Variants in HLA-DRB1 observed in about 807,000 individuals in gnomAD.
HLA-DRB1 encodes major histocompatibility complex, class II, DR beta 1, also known as major histocompatibility complex, class II, DR beta 1 precursor.
A neutral mutation model predicts 27.9 loss-of-function variants in HLA-DRB1; 10 were observed. The observed-to-expected ratio is 0.36, with a 90% CI of 0.22 to 0.61. The LOEUF is 0.61. HLA-DRB1 is among the 20% of genes least tolerant of loss of function. The pLI is 0.73. For missense variants in HLA-DRB1, 118 were observed against 306.3 expected (o/e 0.39, Z 4.59); for synonymous variants, 57 against 126.7 (o/e 0.45, Z 3.69).
chr6:32,587,000 A>G (rs1250262834), intron 1 of HLA-DRB1, among the ~76,000 whole-genome samples: 609 of 70,246 alleles, frequency 8.7e-3, no homozygotes, highest in East Asian at 0.013. Context: ...TTCCCTGAAG[A>G]ATTCCCTGCT....
At chr6:32,584,314 G>C (rs1059572) in exon 2 of HLA-DRB1, 134,304 of 1,301,238 alleles carry the variant, frequency 0.1, 17,297 homozygotes, top group Non-Finnish European at 0.11. Flanking sequence ...ATCTGTCCAG[G>C]AACCGCACCC....
intron 1 of HLA-DRB1, among the ~76,000 whole-genome samples, chr6:32,584,726 T>TTCC (rs1561820616): frequency 1.7e-5 from 1 of 57,428 alleles, no homozygotes; most frequent in Non-Finnish European, 3.7e-5. Flanking sequence ...TCTCTGCTCC[T>TTCC]CTCATCCCAC....
rs17878671 is a variant in HLA-DRB1 at position 32,584,312 on chromosome 6, A to G, written c.167T>C (p.Leu56Pro). Reference sequence around the variant, plus strand: ...CTCCTGGTTATAGAAGTATCTGTCCAGGAACCGCACCCGCTCCGTCCCATT... The same window carrying G: ...CTCCTGGTTATAGAAGTATCTGTCCGGGAACCGCACCCGCTCCGTCCCATT... Residue 56 changes from leucine (L) to proline (P), a missense_variant, in exon 2 of 6, where the codon CTG (leucine) becomes CCG (proline). By Grantham distance (98) the Leu-to-Pro change is moderately conservative. Around this residue, in one of 5 missense-constraint regions of HLA-DRB1, gnomAD observed 42 missense variants for 104.2 expected, o/e 0.40. Transcript: ENST00000360004. 1.4e-5 allele frequency: 19 copies of G among 1,363,276 alleles called. 1 individual carries two copies. Among genetic ancestry groups the G allele is most frequent in the Admixed American group, 3.5e-5 (2 of 57,496 alleles). 84.4% of individuals were successfully genotyped at this position (1,363,276 alleles called of 1,614,324 possible).
chr6:32,579,276 A>G (rs9269701), intron 5 of HLA-DRB1, among the ~76,000 whole-genome samples, 172 bp from the exon 6 acceptor site: 8,344 of 44,678 alleles, frequency 0.19, 1,734 homozygotes, highest in Middle Eastern at 0.31. Context: ...GAGAGGAGGA[A>G]TTTTGGTGTA....
At chr6:32,587,509 T>C (rs35730042) in intron 1 of HLA-DRB1, among the ~76,000 whole-genome samples, 195 of 70,388 alleles carry the variant, frequency 2.8e-3, no homozygotes, top group Admixed American at 3.8e-3. Context: ...ATCTTCTGCC[T>C]CTCCATTTCC....
chr6:32,581,227 A>G (rs41288057), intron 3 of HLA-DRB1, among the ~76,000 whole-genome samples: 11,072 of 70,680 alleles, frequency 0.16, 2,399 homozygotes, highest in Middle Eastern at 0.27. Context: ...ATCACAAAAA[A>G]TAACTCAGAG....
intron 2 of HLA-DRB1, among the ~76,000 whole-genome samples, chr6:32,583,244 T>TC (rs9281870): frequency 2.6e-5 from 1 of 38,880 alleles, no homozygotes; most frequent in Non-Finnish European, 5.2e-5. Context: ...GAATTACAAA[T>TC]AAAAAATATA....
intron 2 of HLA-DRB1, among the ~76,000 whole-genome samples, chr6:32,583,116 A>G (rs1422953631): frequency 2.4e-4 from 19 of 79,800 alleles, no homozygotes; most frequent in East Asian, 8.4e-4. Flanking sequence ...ACTGAGAAAA[A>G]TACTAAGCCC....
exon 2 of HLA-DRB1, chr6:32,584,172 C>T (rs16822805): frequency 0.028 from 32,275 of 1,163,552 alleles, 2,987 homozygotes; most frequent in East Asian, 0.077. Context: ...GTGTCCACCG[C>T]GGCCCGCGCC....
intron 1 of HLA-DRB1, among the ~76,000 whole-genome samples, chr6:32,589,436 G>GTA (rs1777031764): frequency 4.7e-5 from 3 of 64,334 alleles, no homozygotes; most frequent in Non-Finnish European, 6.2e-5. Flanking sequence ...AATGATTTGT[G>GTA]CAAAGGCCCC....
intron 1 of HLA-DRB1, among the ~76,000 whole-genome samples, chr6:32,589,109 C>A (rs1275666083): frequency 1.6e-5 from 2 of 125,660 alleles, no homozygotes; most frequent in African/African-American, 6.0e-5. Flanking sequence ...GGGATACAGG[C>A]CTTATAAACA....
chr6:32,579,233 C>T, intron 5 of HLA-DRB1, 129 bp from the exon 6 acceptor site: 1 of 225,562 alleles, frequency 4.4e-6, no homozygotes, highest in Non-Finnish European at 7.2e-6. Context: ...TCCCCTGAGC[C>T]AATAGTCCCG....
At chr6:32,589,472 A>G (rs1777041161) in intron 1 of HLA-DRB1, among the ~76,000 whole-genome samples, 171 bp downstream of exon 1, 1 of 93,600 alleles carries the variant, frequency 1.1e-5, no homozygotes, top group East Asian at 3.6e-4. Flanking sequence ...GAAGAGGGCA[A>G]GTACCCAAGC....
intron 1 of HLA-DRB1, 63 bp downstream of exon 1, chr6:32,589,580 T>C (rs879037947): frequency 1.7e-6 from 1 of 596,032 alleles, no homozygotes; most frequent in East Asian, 4.6e-5. Context: ...CTGGGCACAA[T>C]GTTAACAAAA....
At position 32,588,844 on chromosome 6, in the gene HLA-DRB1, A is replaced by G. The variant is rs188759419; in HGVS notation, c.100+799T>C. On this transcript the variant is annotated intron_variant, in intron 1 of 5. Coordinates refer to ENST00000360004, the Ensembl canonical transcript of HLA-DRB1. ...TAGTTAAATCTCTTCTGTCATGTCT[A>G]GTTAGAGCACATAGGAGATGCAAGA... Among the ~76,000 whole-genome samples the G allele has an allele frequency of 5.6e-5, 7 of 124,384 alleles. No homozygotes were observed. The East Asian group carries it at 7.6e-4, about 13-fold the overall frequency. 81.6% of individuals were successfully genotyped at this position (124,384 alleles called of 152,430 possible).
intron 1 of HLA-DRB1, among the ~76,000 whole-genome samples, chr6:32,589,290 C>G (rs28366204): frequency 8.2e-3 from 1,004 of 122,026 alleles, no homozygotes; most frequent in East Asian, 0.027. Flanking sequence ...TAAGAACCTC[C>G]TTTTGTCTGA....
chr6:32,584,450 G>A (rs1776083914), intron 1 of HLA-DRB1, 72 bp from the exon 2 acceptor site: 4 of 671,568 alleles, frequency 6.0e-6, no homozygotes, highest in Non-Finnish European at 8.8e-6. Flanking sequence ...CCACCATCCG[G>A]GGCTCCCTGA....
At position 32,581,805 on chromosome 6, in the gene HLA-DRB1, G is replaced by A. The variant is rs200516145; in HGVS notation, c.404C>T (p.Thr135Ile). 9.8e-6 allele frequency: 14 copies of A among 1,424,150 alleles called. 1 individual carries two copies. The highest frequency in any genetic ancestry group is 1.3e-5 in the Non-Finnish European group (14 of 1,052,728). The allele number at this position is 1,424,150 out of a possible 1,614,324, so 88.2% of individuals were successfully genotyped here. Residue 135 changes from threonine to isoleucine, a missense_variant, in exon 3 of 6, where the codon ACC (threonine) becomes ATC (isoleucine). Physicochemically the swap from Thr to Ile is moderately conservative, Grantham distance 89 (BLOSUM62 -1). Around this residue, in one of 5 missense-constraint regions of HLA-DRB1, gnomAD observed 24 missense variants for 114.5 expected, o/e 0.21. Transcript: ENST00000360004. Reference sequence around the variant, plus strand: ...GAGGTTGTGGTGCTGCAGGGGCTGGGTCTTTGAAGGATATACAGTCACCTT... The same window carrying A: ...GAGGTTGTGGTGCTGCAGGGGCTGGATCTTTGAAGGATATACAGTCACCTT...
intron 1 of HLA-DRB1, among the ~76,000 whole-genome samples, 164 bp downstream of exon 1, chr6:32,589,479 A>AGTGG (rs1777042656): frequency 8.6e-6 from 1 of 116,686 alleles, no homozygotes; most frequent in African/African-American, 3.4e-5. Context: ...GCAAGTACCC[A>AGTGG]AGCTCCTTTT....
Sources: gnomAD v4.1 joint callset for allele counts (sites outside exome capture counted in the v4.1 genomes callset) on GRCh38, gnomAD v4.1.1 for gene constraint, gnomAD v4.1.1 regional missense constraint, MANE v1.5 for transcripts, NCBI Gene and HGNC (gene_info 2026-07-23, HGNC 2026-07-21) for gene names.